Variants in DSCAM observed in about 807,000 individuals in gnomAD.
DSCAM encodes cell adhesion molecule DSCAM.
Under a neutral mutation model 217.7 loss-of-function variants are expected in DSCAM, and 47 were observed. The observed-to-expected ratio is 0.22, with a 90% CI of 0.17 to 0.28. The LOEUF (loss-of-function observed/expected upper bound fraction) is 0.28, where lower values mean the gene tolerates loss of function less well. DSCAM is among the 10% of genes least tolerant of loss of function. DSCAM has a pLI of 1.00. For synonymous variants in DSCAM, 1,056 were observed against 1,015.3 expected, an observed-to-expected ratio of 1.04 and a Z score of -0.76; for missense variants, 2,080 against 2,618.3, an observed-to-expected ratio of 0.79 and a Z score of 4.49.
At chr21:40,808,406 G>C (rs1448892605) in intron 1 of DSCAM, among the ~76,000 whole-genome samples, 1 of 152,062 alleles carries the variant, frequency 6.6e-6, no homozygotes, top group African/African-American at 2.4e-5. Flanking sequence ...GTCAAGCTCT[G>C]GCAGGAGATG....
At chr21:40,788,699 T>A (rs892189070) in intron 1 of DSCAM, among the ~76,000 whole-genome samples, 1 of 152,232 alleles carries the variant, frequency 6.6e-6, no homozygotes, top group Non-Finnish European at 1.5e-5. Flanking sequence ...TCTACCTCCC[T>A]AGAGAATGTT....
intron 32 of DSCAM, among the ~76,000 whole-genome samples, chr21:40,035,841 A>G (rs1233103471): frequency 6.9e-6 from 1 of 145,552 alleles, no homozygotes; most frequent in African/African-American, 2.7e-5. Flanking sequence ...CAATCAAACT[A>G]GAACTCAGGA....
chr21:40,126,099 T>C (rs2837437), intron 19 of DSCAM, among the ~76,000 whole-genome samples: 16,058 of 152,146 alleles, frequency 0.11, 940 homozygotes, highest in African/African-American at 0.16. Flanking sequence ...CGTAAACCAA[T>C]GAAATTCAAG....
intron 20 of DSCAM, among the ~76,000 whole-genome samples, chr21:40,120,513 G>T (rs1291320683): frequency 6.6e-6 from 1 of 152,086 alleles, no homozygotes; most frequent in Non-Finnish European, 1.5e-5. Context: ...ACCTTAAAAG[G>T]GTTATCTCAC....
chr21:40,445,389 G>A (rs530155938), intron 3 of DSCAM, among the ~76,000 whole-genome samples: 8 of 152,196 alleles, frequency 5.3e-5, no homozygotes, highest in Non-Finnish European at 1.0e-4. Flanking sequence ...ACTTAAGTGA[G>A]TCGTCTCTTT....
intron 11 of DSCAM, among the ~76,000 whole-genome samples, chr21:40,238,922 T>C (rs1477853021): frequency 6.6e-6 from 1 of 152,184 alleles, no homozygotes; most frequent in Non-Finnish European, 1.5e-5. Context: ...CCTGCTTCTC[T>C]TTGCTTGAGA....
At chr21:40,414,696 G>A (rs908503532) in intron 3 of DSCAM, among the ~76,000 whole-genome samples, 5 of 152,220 alleles carry the variant, frequency 3.3e-5, no homozygotes, top group Admixed American at 2.6e-4. Flanking sequence ...TAGCTATATA[G>A]GTATGTCTCA....
intron 10 of DSCAM, among the ~76,000 whole-genome samples, chr21:40,287,788 C>A (rs778740432): frequency 6.6e-6 from 1 of 152,004 alleles, no homozygotes; most frequent in Non-Finnish European, 1.5e-5. Flanking sequence ...GGGGACTGTG[C>A]GTGGTGAGTG....
intron 11 of DSCAM, among the ~76,000 whole-genome samples, chr21:40,240,349 G>T (rs533248593): frequency 5.9e-4 from 34 of 57,730 alleles, no homozygotes; most frequent in South Asian, 4.0e-3. Context: ...TTCCTCACTG[G>T]TTTTTTTTTT....
chr21:40,142,247 G>A (rs1203439666), intron 18 of DSCAM, among the ~76,000 whole-genome samples: 1 of 152,212 alleles, frequency 6.6e-6, no homozygotes, highest in African/African-American at 2.4e-5. Context: ...GAATGTTCTA[G>A]ATAGAGATGG....
chr21:40,277,616 A>C (rs1239793215), intron 10 of DSCAM, among the ~76,000 whole-genome samples: 2 of 151,662 alleles, frequency 1.3e-5, no homozygotes, highest in African/African-American at 4.9e-5. Flanking sequence ...GCTAGAGGGG[A>C]CATACGACAA....
At chr21:40,199,449 C>G (rs2091048307) in intron 11 of DSCAM, among the ~76,000 whole-genome samples, 1 of 152,142 alleles carries the variant, frequency 6.6e-6, no homozygotes, top group South Asian at 2.1e-4. Context: ...AATACTGCAG[C>G]AATAAACATA....
intron 1 of DSCAM, among the ~76,000 whole-genome samples, chr21:40,843,180 G>T (rs990034676): frequency 6.6e-6 from 1 of 152,146 alleles, no homozygotes; most frequent in African/African-American, 2.4e-5. Flanking sequence ...CGTGTGCTCT[G>T]TAATTTCCTA....
chr21:40,358,305 T>C (rs1192951931), intron 4 of DSCAM, among the ~76,000 whole-genome samples: 3 of 152,142 alleles, frequency 2.0e-5, no homozygotes, highest in Non-Finnish European at 4.4e-5. Context: ...CAACTGGATA[T>C]CCACATGGAA....
At chr21:40,301,619 A>ACCACAGCCT (rs1197261443) in intron 9 of DSCAM, among the ~76,000 whole-genome samples, 25 of 151,662 alleles carry the variant, frequency 1.6e-4, no homozygotes, top group African/African-American at 3.7e-4. Flanking sequence ...CTCATCTGGT[A>ACCACAGCCT]TTGCTGTTTA....
intron 3 of DSCAM, among the ~76,000 whole-genome samples, chr21:40,446,129 A>C (rs1222095118): frequency 6.6e-6 from 1 of 152,244 alleles, no homozygotes; most frequent in Non-Finnish European, 1.5e-5. Context: ...AGTGATGTCA[A>C]GAATACCTAA....
chr21:40,797,831 G>A (rs2410291), intron 1 of DSCAM, among the ~76,000 whole-genome samples: 137,711 of 152,140 alleles, frequency 0.91, 62,451 homozygotes, highest in African/African-American at 0.95. Flanking sequence ...ATTTAATACA[G>A]TTGTAAGGAT....
At chr21:40,728,073 G>A (rs112192471) in intron 1 of DSCAM, among the ~76,000 whole-genome samples, 22 of 152,186 alleles carry the variant, frequency 1.4e-4, no homozygotes, top group African/African-American at 5.3e-4. Context: ...TAAAGATGGC[G>A]GCACTTCCAC....
At position 40,338,138 on chromosome 21, in the gene DSCAM, T is replaced by A. The variant is rs76195942; in HGVS notation, c.1746A>T (p.Gln582His). The change falls in exon 8 of 33, where the codon CAA (glutamine) becomes CAT (histidine). Residue 582 changes from glutamine to histidine, a missense_variant. Around this residue, in one of 5 missense-constraint regions of DSCAM, gnomAD observed 218 missense variants for 364.1 expected, o/e 0.60. Transcript: ENST00000400454. ...CGTGGACGCTCTGGCTGGTGGAGAG[T>A]TGTGGTTGAACCAACACGTTGCACG... ...EYTCNVLVQP[Q>H]LSTSQSVHVT... 6 of 1,614,056 alleles carry A rather than the reference T, an allele frequency of 3.7e-6. No homozygotes were observed. The highest frequency in any genetic ancestry group is 5.1e-6 in the Non-Finnish European group (6 of 1,180,044).
Sources: gnomAD v4.1 joint callset for allele counts (sites outside exome capture counted in the v4.1 genomes callset) on GRCh38, gnomAD v4.1.1 for gene constraint, gnomAD v4.1.1 regional missense constraint, MANE v1.5 for transcripts, NCBI Gene and HGNC (gene_info 2026-07-23, HGNC 2026-07-21) for gene names.